Variants in KIF27 observed in about 807,000 individuals in gnomAD.
KIF27 encodes kinesin family member 27.
A neutral mutation model predicts 141.8 loss-of-function variants in KIF27; 84 were observed. That is an observed-to-expected ratio of 0.59 (90% confidence interval 0.50 to 0.71). KIF27 has a LOEUF of 0.71. Among genes scored for constraint, KIF27 ranks in the 30% least tolerant of loss-of-function variants. KIF27 has a pLI of 0.00. For missense variants in KIF27, 1,306 were observed against 1,628.4 expected, an observed-to-expected ratio of 0.80 and a Z score of 3.41; for synonymous variants, 471 against 569.5, an observed-to-expected ratio of 0.83 and a Z score of 2.46.
At chr9:83,861,190 T>C (rs533317742) in intron 13 of KIF27, among the ~76,000 whole-genome samples, 7 of 151,806 alleles carry the variant, frequency 4.6e-5, no homozygotes, top group Admixed American at 3.3e-4. Flanking sequence ...TTTATATATA[T>C]ATATATAACT....
intron 17 of KIF27, chr9:83,838,874 CTCAAAA>C (rs1308970080): frequency 6.6e-6 from 1 of 152,182 alleles, no homozygotes; most frequent in Non-Finnish European, 1.5e-5. Flanking sequence ...TTAAAAATCT[CTCAAAA>C]TCAAATAACC....
intron 13 of KIF27, among the ~76,000 whole-genome samples, chr9:83,862,538 C>T (rs1950026857): frequency 6.6e-6 from 1 of 152,174 alleles, no homozygotes; most frequent in Non-Finnish European, 1.5e-5. Flanking sequence ...GTCTATATCT[C>T]TGTTTTGGTA....
intron 16 of KIF27, among the ~76,000 whole-genome samples, chr9:83,844,348 A>ATAGC (rs1946968722): frequency 1.9e-5 from 2 of 106,638 alleles, no homozygotes; most frequent in Admixed American, 1.6e-4. Flanking sequence ...ATTTATATAG[A>ATAGC]TATCTATATC....
At chr9:83,909,276 A>G (rs892124972) in intron 2 of KIF27, among the ~76,000 whole-genome samples, 1 of 152,188 alleles carries the variant, frequency 6.6e-6, no homozygotes, top group African/African-American at 2.4e-5. Flanking sequence ...TTAAATAGGA[A>G]GGTCATGGTG....
chr9:83,900,338 AATAAAGTAGT>A (rs1391270608), intron 4 of KIF27, among the ~76,000 whole-genome samples: 1 of 143,846 alleles, frequency 7.0e-6, no homozygotes, highest in Non-Finnish European at 1.5e-5. Flanking sequence ...ATATGTAAAT[AATAAAGTAGT>A]TTTTAAATGA....
At chr9:83,905,032 GA>G (rs1277028841) in intron 3 of KIF27, among the ~76,000 whole-genome samples, 2 of 148,594 alleles carry the variant, frequency 1.3e-5, no homozygotes, top group Non-Finnish European at 3.0e-5. Flanking sequence ...ACTCAAAAAA[GA>G]AAAAAAAGTT....
At position 83,867,604 on chromosome 9, in the gene KIF27, G is replaced by A. The variant is rs1262050830; in HGVS notation, c.2934+80C>T. 6.2e-6 allele frequency: 9 copies of A among 1,446,956 alleles called. No individual in the cohort carries two copies. In the Admixed American group the frequency reaches 1.0e-4, roughly 17 times the overall value. 89.6% of individuals were successfully genotyped at this position (1,446,956 alleles called of 1,614,324 possible). On this transcript the variant is annotated intron_variant, in intron 13 of 17. Transcript: ENST00000297814. Reference sequence around the variant, plus strand: ...CCTCCTCCCACACATTTCTTATTATGTTTTTCTGATTATAGCCATCCTAGT... The same window carrying A: ...CCTCCTCCCACACATTTCTTATTATATTTTTCTGATTATAGCCATCCTAGT...
intron 1 of KIF27, among the ~76,000 whole-genome samples, chr9:83,919,442 G>C (rs1164937733): frequency 6.6e-6 from 1 of 152,230 alleles, no homozygotes; most frequent in African/African-American, 2.4e-5. Context: ...TTTGAGTGCA[G>C]ATGATGAAAA....
intron 1 of KIF27, among the ~76,000 whole-genome samples, chr9:83,918,958 C>T (rs1955979786): frequency 6.6e-6 from 1 of 151,994 alleles, no homozygotes; most frequent in African/African-American, 2.4e-5. Context: ...CGCCTATAAT[C>T]CCAGCTACTA....
chr9:83,916,039 T>C (rs1032913337), intron 1 of KIF27, among the ~76,000 whole-genome samples: 4 of 152,162 alleles, frequency 2.6e-5, no homozygotes, highest in Non-Finnish European at 5.9e-5. Flanking sequence ...AGTAAGGAAC[T>C]GTACACACGT....
intron 11 of KIF27, among the ~76,000 whole-genome samples, chr9:83,871,931 A>G (rs1588108269): frequency 1.3e-5 from 2 of 150,598 alleles, no homozygotes; most frequent in Non-Finnish European, 3.0e-5. Context: ...CGAACTCCTG[A>G]CCTCAGGTGA....
At chr9:83,911,302 C>T (rs1447684925) in intron 2 of KIF27, among the ~76,000 whole-genome samples, 1 of 152,194 alleles carries the variant, frequency 6.6e-6, no homozygotes, top group Non-Finnish European at 1.5e-5. Context: ...GCCATCTTGG[C>T]TCACTGCAAC....
In KIF27 at chr9:83,889,228, G is replaced by C. The variant is rs142641392; in HGVS notation, c.1835C>G (p.Ser612Cys). Residue 612 changes from serine (S) to cysteine (C), a missense_variant, in exon 7 of 18, where the codon TCT (serine) becomes TGT (cysteine). This residue lies in a region of KIF27 where 596 missense variants were observed against 751.6 expected (regional missense o/e 0.79). Coordinates refer to ENST00000297814, the MANE Select transcript of KIF27 (RefSeq NM_017576.4). ...AAATCCAGCAAATATTCGATCCAGA[G>C]AGTACATAGGCGGACTTGTGTGGAC... is the stretch of plus-strand genomic sequence containing the variant. ...RKVHTSPPMY[S>C]LDRIFAGFRT... 257 of 1,613,088 alleles carry C rather than the reference G, an allele frequency of 1.6e-4. No individual in the cohort carries two copies. In the African/African-American group the frequency reaches 2.3e-3, roughly 15 times the overall value.
chr9:83,860,779 T>C (rs2131885182), intron 13 of KIF27, among the ~76,000 whole-genome samples: 1 of 152,320 alleles, frequency 6.6e-6, no homozygotes, highest in African/African-American at 2.4e-5. Context: ...ATTTCCATGT[T>C]GGAGCACATT....
intron 16 of KIF27, among the ~76,000 whole-genome samples, chr9:83,845,134 C>A (rs574895160): frequency 2.0e-5 from 3 of 152,172 alleles, no homozygotes; most frequent in Non-Finnish European, 4.4e-5. Context: ...CCAGGCCCCC[C>A]ATAAGTGAAT....
At chr9:83,870,433 C>T (rs1368786735) in intron 12 of KIF27, 86 bp downstream of exon 12, 50 of 1,550,442 alleles carry the variant, frequency 3.2e-5, no homozygotes, top group Non-Finnish European at 4.3e-5. Flanking sequence ...TCCCAAAGTG[C>T]TAGGATTACA....
chr9:83,857,189 T>C, intron 14 of KIF27, among the ~76,000 whole-genome samples: 1 of 152,210 alleles, frequency 6.6e-6, no homozygotes, highest in East Asian at 1.9e-4. Context: ...GTAATAAAAT[T>C]AGGAAAAATA....
intron 13 of KIF27, chr9:83,860,194 T>C (rs1949734762): frequency 6.6e-6 from 1 of 152,204 alleles, no homozygotes; most frequent in African/African-American, 2.4e-5. Flanking sequence ...TAATTATTTG[T>C]ATATACTACC....
chr9:83,853,693 A>G lies in KIF27; in HGVS notation c.3293T>C (p.Leu1098Ser). The G allele has an allele frequency of 6.2e-7, 1 of 1,613,912 alleles. No homozygotes were observed. ...HNLSRGEANVLEKLACLSPVE... is the reference protein window; with the variant it reads ...HNLSRGEANVSEKLACLSPVE... ...AGGACTCAGGCAAGCTAGCTTTTCC[A>G]AGACATTTGCTTCACCACGAGAGAG... The change falls in exon 15 of 18, where the codon TTG (leucine) becomes TCG (serine). Residue 1098 changes from leucine to serine, a missense_variant. By Grantham distance (145) the Leu-to-Ser change is moderately radical (BLOSUM62 -2). This residue lies in a region of KIF27 where 596 missense variants were observed against 751.6 expected (regional missense o/e 0.79). Transcript: ENST00000297814.
Sources: gnomAD v4.1 joint callset for allele counts (sites outside exome capture counted in the v4.1 genomes callset) on GRCh38, gnomAD v4.1.1 for gene constraint, gnomAD v4.1.1 regional missense constraint, MANE v1.5 for transcripts, NCBI Gene and HGNC (gene_info 2026-07-23, HGNC 2026-07-21) for gene names.